KCNJ3: variants seen among roughly 807,000 people sequenced by gnomAD.
KCNJ3 encodes the protein potassium inwardly rectifying channel subfamily J member 3.
KCNJ3 carries 4 observed loss-of-function variants against 39.2 expected under a neutral mutation model. That is an observed-to-expected ratio of 0.10 (90% CI 0.05 to 0.23). The LOEUF is 0.23. Ranked by LOEUF, KCNJ3 falls within the 10% of genes least tolerant of loss-of-function variation. KCNJ3 has a pLI of 1.00. For synonymous variants in KCNJ3, 230 were observed against 237.4 expected (o/e 0.97, Z 0.29); for missense variants, 276 against 634.9 (o/e 0.43, Z 6.08).
At chr2:154,819,631 A>C (rs921556985) in intron 2 of KCNJ3, among the ~76,000 whole-genome samples, 12 of 151,916 alleles carry the variant, frequency 7.9e-5, no homozygotes, top group South Asian at 4.1e-4. Flanking sequence ...CCCGGGTTCA[A>C]GCTATTCTTC....
At chr2:154,836,107 G>A (rs2921443) in intron 2 of KCNJ3, among the ~76,000 whole-genome samples, 28,732 of 151,602 alleles carry the variant, frequency 0.19, 3,142 homozygotes, top group East Asian at 0.4. Flanking sequence ...CTACTCGGGA[G>A]GCTGAGGCAG....
At chr2:154,711,446 C>T (rs62170779) in intron 2 of KCNJ3, among the ~76,000 whole-genome samples, 53 of 152,204 alleles carry the variant, frequency 3.5e-4, no homozygotes, top group Admixed American at 1.6e-3. Context: ...CTTCACTTGA[C>T]AGCCTTAAAA....
At chr2:154,746,646 ATATATGTG>A (rs1685749635) in intron 2 of KCNJ3, among the ~76,000 whole-genome samples, 1 of 148,570 alleles carries the variant, frequency 6.7e-6, no homozygotes, top group African/African-American at 2.5e-5. Flanking sequence ...ATATGTGTAT[ATATATGTG>A]TGTGTGTGTG....
chr2:154,718,858 G>A (rs1685221430), intron 2 of KCNJ3, among the ~76,000 whole-genome samples: 1 of 152,002 alleles, frequency 6.6e-6, no homozygotes, highest in African/African-American at 2.4e-5. Context: ...GTTGAAATAC[G>A]GTTGACACTA....
intron 2 of KCNJ3, among the ~76,000 whole-genome samples, chr2:154,849,442 T>C (rs1687718029): frequency 6.6e-6 from 1 of 152,134 alleles, no homozygotes; most frequent in Non-Finnish European, 1.5e-5. Flanking sequence ...CTTTTTTCTC[T>C]GTCTGGGTCT....
chr2:154,708,314 T>A (rs1473471629), intron 1 of KCNJ3, among the ~76,000 whole-genome samples: 1 of 152,154 alleles, frequency 6.6e-6, no homozygotes, highest in Non-Finnish European at 1.5e-5. Context: ...TTCATTCTGT[T>A]TTGCCACAAA....
intron 2 of KCNJ3, among the ~76,000 whole-genome samples, chr2:154,829,056 G>A (rs1480444424): frequency 6.6e-6 from 1 of 152,092 alleles, no homozygotes; most frequent in Non-Finnish European, 1.5e-5. Flanking sequence ...CTGGTAAAGT[G>A]GAGGTTAAAA....
Position 154,757,233 on chromosome 2 carries a change from G to A in KCNJ3, c.919+47414G>A, listed in dbSNP as rs187978251. 3.4e-3 allele frequency among the ~76,000 whole-genome samples: 519 copies of A among 152,144 alleles called. 2 individuals carry two copies. Among genetic ancestry groups the A allele is most frequent in the South Asian group, 0.01 (49 of 4,810 alleles). On this transcript the variant is annotated intron_variant, in intron 2 of 2. Transcript: ENST00000295101. ...CTTGTTTTGTGTTTTGGGAAGGTGG[G>A]GTGGCTTTTTTCAAGATGAGCAACT... is the stretch of plus-strand genomic sequence containing the variant.
intron 2 of KCNJ3, among the ~76,000 whole-genome samples, chr2:154,787,786 C>CT (rs561483036): frequency 3.3e-5 from 5 of 152,026 alleles, no homozygotes; most frequent in South Asian, 4.2e-4. Context: ...TGGAATGCAA[C>CT]TTTTTTTTAT....
intron 2 of KCNJ3, among the ~76,000 whole-genome samples, chr2:154,792,186 A>G (rs575983423): frequency 8.0e-4 from 122 of 152,106 alleles, no homozygotes; most frequent in African/African-American, 2.8e-3. Flanking sequence ...TGCAGCAGCC[A>G]TTTCTGGAAA....
At chr2:154,822,115 A>AG (rs1230978825) in intron 2 of KCNJ3, among the ~76,000 whole-genome samples, 14 of 152,218 alleles carry the variant, frequency 9.2e-5, no homozygotes, top group African/African-American at 2.7e-4. Context: ...CGAAAACATC[A>AG]GAAACAAGGC....
intron 2 of KCNJ3, among the ~76,000 whole-genome samples, chr2:154,759,541 GT>G (rs975645162): frequency 7.9e-5 from 12 of 151,638 alleles, no homozygotes; most frequent in African/African-American, 2.9e-4. Flanking sequence ...TGAAATATTT[GT>G]TTTTTTCTTT....
At chr2:154,724,472 C>T (rs1342194442) in intron 2 of KCNJ3, among the ~76,000 whole-genome samples, 1 of 152,034 alleles carries the variant, frequency 6.6e-6, no homozygotes, top group Admixed American at 6.6e-5. Flanking sequence ...ATCAACTTTT[C>T]GTACAGCTCG....
At chr2:154,840,333 G>T (rs1687553359) in intron 2 of KCNJ3, among the ~76,000 whole-genome samples, 1 of 152,096 alleles carries the variant, frequency 6.6e-6, no homozygotes, top group African/African-American at 2.4e-5. Flanking sequence ...TGCTGTTTTG[G>T]TTACTGTAGC....
chr2:154,822,552 G>C (rs962406784), intron 2 of KCNJ3, among the ~76,000 whole-genome samples: 7 of 152,094 alleles, frequency 4.6e-5, no homozygotes, highest in Non-Finnish European at 5.9e-5. Context: ...ACTCAGTTTA[G>C]TTAATGTAGT....
chr2:154,724,122 T>C (rs941879608), intron 2 of KCNJ3, among the ~76,000 whole-genome samples: 4 of 152,062 alleles, frequency 2.6e-5, no homozygotes, highest in Non-Finnish European at 5.9e-5. Context: ...AAACTTGATA[T>C]ATGTTAAATT....
intron 2 of KCNJ3, among the ~76,000 whole-genome samples, chr2:154,711,691 T>A (rs1016590489): frequency 6.6e-6 from 1 of 152,128 alleles, no homozygotes; most frequent in Non-Finnish European, 1.5e-5. Context: ...GTCTGCAGTA[T>A]CCTTATTCAT....
At chr2:154,779,081 G>A (rs1686388843) in intron 2 of KCNJ3, among the ~76,000 whole-genome samples, 1 of 152,010 alleles carries the variant, frequency 6.6e-6, no homozygotes, top group South Asian at 2.1e-4. Flanking sequence ...ATTCTGAAAT[G>A]AAATAAAAAT....
Position 154,741,409 on chromosome 2 carries a change from T to A in KCNJ3, c.919+31590T>A, listed in dbSNP as rs189316695. 3.7e-4 allele frequency among the ~76,000 whole-genome samples: 55 copies of A among 149,686 alleles called. No homozygotes were observed. The East Asian group carries it at 9.9e-3, about 27-fold the overall frequency. The stretch of plus-strand genomic sequence containing the variant: ...ATATGTTTTTGTTAACTTTGATATG[T>A]CATTTTATAGTGTTGCATTTTGATG... On this transcript the variant is annotated intron_variant, in intron 2 of 2. Transcript: ENST00000295101.
Sources: gnomAD v4.1 joint callset for allele counts (sites outside exome capture counted in the v4.1 genomes callset) on GRCh38, gnomAD v4.1.1 for gene constraint, MANE v1.5 for transcripts, NCBI Gene and HGNC (gene_info 2026-07-23, HGNC 2026-07-21) for gene names.